The following SAPCD2 variants were observed in gnomAD, a reference collection of about 807,000 sequenced individuals.
SAPCD2 encodes the protein suppressor APC domain containing 2.
A neutral mutation model predicts 37.8 loss-of-function variants in SAPCD2; 34 were observed. The observed-to-expected ratio is 0.90, with a 90% CI of 0.68 to 1.20. The LOEUF (loss-of-function observed/expected upper bound fraction) is 1.20, where lower values mean the gene tolerates loss of function less well. SAPCD2 is among the 50% of genes most tolerant of loss of function. The pLI is 0.00. For missense variants in SAPCD2, 572 were observed against 584.7 expected, an observed-to-expected ratio of 0.98 and a Z score of 0.22; for synonymous variants, 275 against 270.3, an observed-to-expected ratio of 1.02 and a Z score of -0.17.
intron 2 of SAPCD2, 38 bp from the exon 3 acceptor site, chr9:137,065,706 G>A (rs370327335): frequency 5.1e-6 from 8 of 1,572,892 alleles, no homozygotes; most frequent in Non-Finnish European, 6.9e-6. Context: ...CCTGGCCCCA[G>A]TGAGCACGCA....
rs1295453069 is a variant in SAPCD2, at chr9:137,062,256, G to T, written c.*2403C>A. The T allele has an allele frequency of 6.6e-6, 1 of 151,036 alleles. No homozygotes were observed. The highest frequency in any genetic ancestry group is 1.5e-5 in the Non-Finnish European group (1 of 67,848). 9.4% of individuals were successfully genotyped at this position (151,036 alleles called of 1,614,324 possible). ...CTTCTGCTGGGTCTCATAGTGTATT[G>T]TTTCCTTGTGGTGTTTATGAATTTT... is the stretch of plus-strand genomic sequence containing the variant. On this transcript the variant is annotated 3_prime_UTR_variant, in exon 6 of 6. Transcript: ENST00000409687.
At chr9:137,065,727 C>T (rs951579458) in intron 2 of SAPCD2, 59 bp from the exon 3 acceptor site, 23 of 1,536,080 alleles carry the variant, frequency 1.5e-5, no homozygotes, top group Non-Finnish European at 2.0e-5. Context: ...CACGTCCACA[C>T]ATGCATGAGC....
At chr9:137,066,618 C>A (rs1588564586) in intron 1 of SAPCD2, among the ~76,000 whole-genome samples, 1 of 152,250 alleles carries the variant, frequency 6.6e-6, no homozygotes, top group African/African-American at 2.4e-5. Context: ...ACCCTGCCCC[C>A]TCATCGGTCC....
At chr9:137,065,440 G>C in intron 3 of SAPCD2, 82 bp downstream of exon 3, 1 of 1,454,494 alleles carries the variant, frequency 6.9e-7, no homozygotes, top group Non-Finnish European at 9.2e-7. Flanking sequence ...CGGGAATAGG[G>C]GCAGCCACAA....
rs373331031 is a variant in SAPCD2 at position 137,065,579 on chromosome 9, C to A, written c.774G>T (p.Gln258His). Residue 258 changes from glutamine to histidine, a missense_variant, in exon 3 of 6, where the codon CAG (glutamine) becomes CAT (histidine). Coordinates refer to ENST00000409687, the MANE Select transcript of SAPCD2 (RefSeq NM_178448.4). The part of the protein sequence containing the change: ...MMARGRDWYQ[Q>H]QLQRVQERQR... ...GGCGCTCCTGCACTCGTTGCAGCTG[C>A]TGCTGGTACCAGTCGCGGCCCCGCG... 40 of 1,610,460 alleles carry A rather than the reference C, an allele frequency of 2.5e-5. No individual in the cohort carries two copies. Among genetic ancestry groups the A allele is most frequent in the Non-Finnish European group, 3.3e-5 (39 of 1,178,272 alleles).
rs879799367 is a variant in SAPCD2 at position 137,070,264 on chromosome 9, C to T, written c.197G>A (p.Arg66His). 6.1e-5 allele frequency: 88 copies of T among 1,449,504 alleles called. No homozygotes were observed. Among genetic ancestry groups the T allele is most frequent in the Non-Finnish European group, 7.4e-5 (82 of 1,102,274 alleles). 89.8% of individuals were successfully genotyped at this position (1,449,504 alleles called of 1,614,324 possible). The stretch of plus-strand genomic sequence containing the variant: ...CTGGCGCAAGCCCTCCAGCACCCCG[C>T]GGGGCAGCTCCCGCGCGTCGGTGCC... ...WQGTDARELP[R>H]GVLEGLRQVA... The change falls in exon 1 of 6, where the codon CGC becomes CAC. Residue 66 changes from arginine (R) to histidine (H), a missense_variant. Coordinates refer to ENST00000409687, the MANE Select transcript of SAPCD2 (RefSeq NM_178448.4).
In SAPCD2 at chr9:137,066,259, C is replaced by T. The variant is rs1250118586; in HGVS notation, c.684+3G>A. The stretch of plus-strand genomic sequence containing the variant: ...GCCCCACAGAGCCCCAGTCCCTGCT[C>T]ACCAGGCCGCAGTCCACGCCGCTGG... On this transcript the variant is annotated splice_donor_region_variant and intron_variant, in intron 2 of 5. Transcript: ENST00000409687. 3 of 1,597,358 alleles carry T rather than the reference C, an allele frequency of 1.9e-6. No individual in the cohort carries two copies. Among genetic ancestry groups the T allele is most frequent in the South Asian group, 1.1e-5 (1 of 88,620 alleles).
At chr9:137,067,643 A>AGG (rs1564261632) in intron 1 of SAPCD2, among the ~76,000 whole-genome samples, 29 of 151,006 alleles carry the variant, frequency 1.9e-4, no homozygotes, top group African/African-American at 5.4e-4. Flanking sequence ...GCGTGGTGGC[A>AGG]TGCACCTGTA....
At chr9:137,069,456 CTG>C (rs1419731823) in intron 1 of SAPCD2, among the ~76,000 whole-genome samples, 1 of 152,216 alleles carries the variant, frequency 6.6e-6, no homozygotes, top group Non-Finnish European at 1.5e-5. Flanking sequence ...AGCTGTCACA[CTG>C]AGAAGGGGGA....
chr9:137,070,457 C>A lies in SAPCD2; in HGVS notation c.4G>T (p.Ala2Ser). 8.1e-7 allele frequency: 1 copy of A among 1,228,948 alleles called. No homozygotes were observed. The highest frequency in any genetic ancestry group is 1.0e-6 in the Non-Finnish European group (1 of 986,750). The allele number at this position is 1,228,948 out of a possible 1,614,324, so 76.1% of individuals were successfully genotyped here. A position where few individuals can be genotyped will look rare whatever the true frequency, so the allele number is the denominator to read the frequency against. M[A>S]GAAMAERGRV... is the part of the protein sequence containing the mutation. ...CCCCGCTCGGCCATGGCGGCCCCGG[C>A]CATGGGCGCCCGGGATCGGTCCCCT... Residue 2 changes from alanine (A) to serine (S), a missense_variant, in exon 1 of 6, where the codon GCC becomes TCC. By Grantham distance (99) the Ala-to-Ser change is moderately conservative. Transcript: ENST00000409687.
rs748776430 is a variant in SAPCD2 at position 137,064,486 on chromosome 9, C to T, written c.*173G>A. On this transcript the variant is annotated 3_prime_UTR_variant, in exon 6 of 6. Transcript: ENST00000409687. The stretch of plus-strand genomic sequence containing the variant: ...TCAAGCGCTCGGTGCGGGGACCAGC[C>T]GGGGGCAGGCCTGGGGAGCCCATCT... The T allele has an allele frequency of 6.4e-5, 46 of 720,978 alleles. 1 individual carries two copies. The highest frequency in any genetic ancestry group is 4.9e-4 in the Admixed American group (17 of 34,580). 44.7% of individuals were successfully genotyped at this position (720,978 alleles called of 1,614,324 possible). A position where few individuals can be genotyped will look rare whatever the true frequency, so the allele number is the denominator to read the frequency against.
chr9:137,070,383 G>T lies in SAPCD2; in HGVS notation c.78C>A (p.Arg26=). The part of the protein sequence containing the change: ...APAPSTEGLP[R]AFLQSLRTLF... ...GGGTGCGCAGGCTCTGCAGGAAGGC[G>T]CGCGGCAGCCCCTCCGTGCTGGGCG... is the stretch of plus-strand genomic sequence containing the variant. The change falls in exon 1 of 6, where the codon CGC becomes CGA. Residue 26 remains arginine (R), a synonymous_variant. Transcript: ENST00000409687. 7.1e-7 allele frequency: 1 copy of T among 1,403,352 alleles called. No homozygotes were observed. Among genetic ancestry groups the T allele is most frequent in the Non-Finnish European group, 9.3e-7 (1 of 1,074,182 alleles). The allele number at this position is 1,403,352 out of a possible 1,614,324, so 86.9% of individuals were successfully genotyped here.
rs1379484160 is a variant in SAPCD2, at chr9:137,062,379, A to C, written c.*2280T>G. On this transcript the variant is annotated 3_prime_UTR_variant, in exon 6 of 6. Transcript: ENST00000409687. Reference sequence around the variant, plus strand: ...AGGCTGCTCTGGAACTCCTGGCCTCAAGTGCTGGGATTCCAGGCGTGAACC... The same window carrying C: ...AGGCTGCTCTGGAACTCCTGGCCTCCAGTGCTGGGATTCCAGGCGTGAACC... 1 of 150,862 alleles carries C rather than the reference A, an allele frequency of 6.6e-6. No homozygotes were observed. The highest frequency in any genetic ancestry group is 2.4e-5 in the African/African-American group (1 of 40,958). The allele number at this position is 150,862 out of a possible 1,614,324, so 9.3% of individuals were successfully genotyped here.
rs372002001 is a variant in SAPCD2, at chr9:137,063,142, C to T, written c.*1517G>A. On this transcript the variant is annotated 3_prime_UTR_variant, in exon 6 of 6. Transcript: ENST00000409687. The stretch of plus-strand genomic sequence containing the variant: ...GTGCTGGGGCTGTGGGGCACAGGCC[C>T]TCAGGACCTGCACCCTTTCCTGCCC... 286 of 152,396 alleles carry T rather than the reference C, an allele frequency of 1.9e-3. 1 individual carries two copies. Among genetic ancestry groups the T allele is most frequent in the South Asian group, 0.011 (52 of 4,832 alleles). 9.4% of individuals were successfully genotyped at this position (152,396 alleles called of 1,614,324 possible).
chr9:137,067,074 G>A (rs532911236), intron 1 of SAPCD2, among the ~76,000 whole-genome samples: 1 of 152,156 alleles, frequency 6.6e-6, no homozygotes, highest in African/African-American at 2.4e-5. Context: ...TGCAACCTCC[G>A]CCTCCCAGGT....
chr9:137,066,994 C>CT (rs1003978698), intron 1 of SAPCD2, among the ~76,000 whole-genome samples: 3 of 151,994 alleles, frequency 2.0e-5, no homozygotes, highest in Non-Finnish European at 4.4e-5. Context: ...CCATTTCTTC[C>CT]TTTTTTTCTT....
At chr9:137,069,234 G>A (rs1048928069) in intron 1 of SAPCD2, among the ~76,000 whole-genome samples, 2 of 152,246 alleles carry the variant, frequency 1.3e-5, no homozygotes, top group Non-Finnish European at 2.9e-5. Flanking sequence ...CAACTGGACC[G>A]GAAGGCAGGA....
rs1348846686 is a variant in SAPCD2, at chr9:137,070,326, G to A, written c.135C>T (p.Gly45=). ...ACTCGATCTCGCGCAGGTGCACGCA[G>A]CCGCGCCGCCGGTCGTCCAGGATGT... ...LFDILDDRRR[G]CVHLREIESR... The change falls in exon 1 of 6, where the codon GGC becomes GGT. Residue 45 remains glycine, a synonymous_variant. Transcript: ENST00000409687. The A allele has an allele frequency of 6.8e-7, 1 of 1,475,426 alleles. No individual in the cohort carries two copies. Among genetic ancestry groups the A allele is most frequent in the East Asian group, 2.9e-5 (1 of 34,286 alleles). The allele number at this position is 1,475,426 out of a possible 1,614,324, so 91.4% of individuals were successfully genotyped here. A position where few individuals can be genotyped will look rare whatever the true frequency, so the allele number is the denominator to read the frequency against.
intron 1 of SAPCD2, among the ~76,000 whole-genome samples, chr9:137,069,519 G>A (rs1832594150): frequency 6.6e-6 from 1 of 152,236 alleles, no homozygotes; most frequent in Admixed American, 6.5e-5. Flanking sequence ...CAGACAGGAG[G>A]CTGAGGGCCC....
Sources: gnomAD v4.1 joint callset for allele counts (sites outside exome capture counted in the v4.1 genomes callset) on GRCh38, gnomAD v4.1.1 for gene constraint, MANE v1.5 for transcripts, NCBI Gene and HGNC (gene_info 2026-07-23, HGNC 2026-07-21) for gene names.